Variants in STRIT1 observed in about 807,000 individuals in gnomAD.
The protein encoded by STRIT1 is sarcoplasmic/endoplasmic reticulum calcium ATPase regulator DWORF.
rs559216769 is a variant in STRIT1 at position 155,291,254 on chromosome 3, G to A, written c.14-216C>T. 1.5e-5 allele frequency: 5 copies of A among 342,640 alleles called. No individual in the cohort carries two copies. In the East Asian group the frequency reaches 1.7e-4, roughly 12 times the overall value. The allele number at this position is 342,640 out of a possible 1,614,324, so 21.2% of individuals were successfully genotyped here. On this transcript the variant is annotated intron_variant, in intron 1 of 2. Transcript: ENST00000489090. ...CAAACCATGGGTCTTTTACTGTTAT[G>A]TGACCTTTGGCAATTCTGGGCTTGA...
rs1715612757 is a variant in STRIT1, at chr3:155,290,613, G to A, written c.*238C>T. On this transcript the variant is annotated 3_prime_UTR_variant, in exon 3 of 3. Transcript: ENST00000489090. ...TTAAATTTATCAAACTTTTTTTAAT[G>A]ACATGCATTTTTCATCACAGCTAAA... is the stretch of plus-strand genomic sequence containing the variant. 5.9e-6 allele frequency: 1 copy of A among 169,900 alleles called. No homozygotes were observed. The highest frequency in any genetic ancestry group is 2.4e-5 in the African/African-American group (1 of 42,202). 10.5% of individuals were successfully genotyped at this position (169,900 alleles called of 1,614,324 possible). A position where few individuals can be genotyped will look rare whatever the true frequency, so the allele number is the denominator to read the frequency against.
intron 1 of STRIT1, among the ~76,000 whole-genome samples, chr3:155,292,336 C>G (rs1715656392): frequency 6.6e-6 from 1 of 152,042 alleles, no homozygotes; most frequent in Non-Finnish European, 1.5e-5. Flanking sequence ...ATAAAGCAAA[C>G]AACATGAGTT....
At chr3:155,292,678 A>G (rs1715664902) in intron 1 of STRIT1, among the ~76,000 whole-genome samples, 1 of 152,196 alleles carries the variant, frequency 6.6e-6, no homozygotes, top group Non-Finnish European at 1.5e-5. Flanking sequence ...AACTTTACTA[A>G]TACCTGTGGA....
At chr3:155,291,743 C>T (rs1226382193) in intron 1 of STRIT1, among the ~76,000 whole-genome samples, 1 of 152,136 alleles carries the variant, frequency 6.6e-6, no homozygotes, top group Non-Finnish European at 1.5e-5. Context: ...ATGATTCCTT[C>T]TGTGCCTCCT....
chr3:155,293,335 T>C (rs1384367751), intron 1 of STRIT1, among the ~76,000 whole-genome samples: 2 of 152,076 alleles, frequency 1.3e-5, no homozygotes, highest in Non-Finnish European at 2.9e-5. Flanking sequence ...AGAATTGAAA[T>C]CAGGAGAACT....
At chr3:155,293,493 A>C in intron 1 of STRIT1, 127 bp downstream of exon 1, 2 of 396,908 alleles carry the variant, frequency 5.0e-6, no homozygotes, top group Non-Finnish European at 8.9e-6. Flanking sequence ...ATATATGGTT[A>C]ATGGTCATTT....
rs1351894035 is a variant in STRIT1 at position 155,291,019 on chromosome 3, G to T, written c.33C>A (p.His11Gln). Residue 11 changes from histidine (H) to glutamine (Q), a missense_variant, in exon 2 of 3, where the codon CAC (histidine) becomes CAA (glutamine). By Grantham distance (24) the His-to-Gln change is conservative. Transcript: ENST00000489090. MAEKAGSTFS[H>Q]LLVPILLLIG... ...TCAGGAGAAGAATAGGAACCAGAAG[G>T]TGTGAAAATGTAGACCCCGCTTTAA... 1 of 398,480 alleles carries T rather than the reference G, an allele frequency of 2.5e-6. No individual in the cohort carries two copies. Among genetic ancestry groups the T allele is most frequent in the Non-Finnish European group, 4.4e-6 (1 of 225,884 alleles). 24.7% of individuals were successfully genotyped at this position (398,480 alleles called of 1,614,324 possible). A position where few individuals can be genotyped will look rare whatever the true frequency, so the allele number is the denominator to read the frequency against.
chr3:155,291,210 A>AAT (rs1280557672), intron 1 of STRIT1, 172 bp from the exon 2 acceptor site: 3 of 377,216 alleles, frequency 8.0e-6, no homozygotes, highest in African/African-American at 6.2e-5. Context: ...GACTGTCATA[A>AAT]ACCCTGGGTA....
chr3:155,292,909 C>T (rs1431472592), intron 1 of STRIT1, among the ~76,000 whole-genome samples: 1 of 152,126 alleles, frequency 6.6e-6, no homozygotes, highest in African/African-American at 2.4e-5. Context: ...CCTGGTGCCA[C>T]CACTCTTTAG....
chr3:155,293,599 A>C, intron 1 of STRIT1, 21 bp downstream of exon 1: 1 of 397,764 alleles, frequency 2.5e-6, no homozygotes, highest in Non-Finnish European at 4.4e-6. Flanking sequence ...TGCCAAGAGA[A>C]TCCTATGCCT....
rs941293706 is a variant in STRIT1 at position 155,290,921 on chromosome 3, C to G, written c.*4+19G>C. 5.0e-6 allele frequency: 2 copies of G among 398,272 alleles called. No individual in the cohort carries two copies. Among genetic ancestry groups the G allele is most frequent in the African/African-American group, 4.1e-5 (2 of 48,666 alleles). 24.7% of individuals were successfully genotyped at this position (398,272 alleles called of 1,614,324 possible). A position where few individuals can be genotyped will look rare whatever the true frequency, so the allele number is the denominator to read the frequency against. On this transcript the variant is annotated intron_variant, in intron 2 of 2. Transcript: ENST00000489090. ...GTAATTTAGACTATAAATAAACATT[C>G]AATTATTAAAACCCTTACCTTTCTA...
In STRIT1 at chr3:155,290,549, T is replaced by A. The variant is rs1715610937; in HGVS notation, c.*302A>T. The A allele has an allele frequency of 6.6e-6, 1 of 152,094 alleles. No homozygotes were observed. Among genetic ancestry groups the A allele is most frequent in the African/African-American group, 2.4e-5 (1 of 41,370 alleles). The allele number at this position is 152,094 out of a possible 1,614,324, so 9.4% of individuals were successfully genotyped here. ...GCCTCAGCCCACTTTCTCTATAGTT[T>A]TTTCCAGAGGGAAGGGGGGATAATT... On this transcript the variant is annotated 3_prime_UTR_variant, in exon 3 of 3. Transcript: ENST00000489090.
intron 1 of STRIT1, 148 bp downstream of exon 1, chr3:155,293,472 G>A (rs1261346275): frequency 7.6e-6 from 3 of 395,550 alleles, no homozygotes; most frequent in Non-Finnish European, 1.3e-5. Flanking sequence ...CATTTTTGCA[G>A]CCACACTAAC....
chr3:155,292,845 CT>C (rs1391487298), intron 1 of STRIT1, among the ~76,000 whole-genome samples: 1 of 152,128 alleles, frequency 6.6e-6, no homozygotes, highest in Non-Finnish European at 1.5e-5. Flanking sequence ...GTAGTTACAG[CT>C]GGAAGTGTTC....
At chr3:155,291,101 A>G (rs1715624373) in intron 1 of STRIT1, 63 bp from the exon 2 acceptor site, 1 of 397,644 alleles carries the variant, frequency 2.5e-6, no homozygotes, top group South Asian at 1.3e-4. Context: ...TTTCTGTGTC[A>G]AGAGAATAAA....
At position 155,290,685 on chromosome 3, in the gene STRIT1, T is replaced by C. The variant is rs998353972; in HGVS notation, c.*166A>G. 26 of 285,680 alleles carry C rather than the reference T, an allele frequency of 9.1e-5. No homozygotes were observed. The highest frequency in any genetic ancestry group is 9.7e-4 in the Middle Eastern group (1 of 1,026). 17.7% of individuals were successfully genotyped at this position (285,680 alleles called of 1,614,324 possible). The stretch of plus-strand genomic sequence containing the variant: ...AGAGAAATTCACTCATAATTTCTTA[T>C]TGTCCTGAAGAAATTCTTATGCATA... On this transcript the variant is annotated 3_prime_UTR_variant, in exon 3 of 3. Coordinates refer to ENST00000489090, the MANE Select transcript of STRIT1 (RefSeq NM_001352129.2).
chr3:155,292,245 A>G (rs1183453452), intron 1 of STRIT1, among the ~76,000 whole-genome samples: 11 of 152,136 alleles, frequency 7.2e-5, no homozygotes, highest in Non-Finnish European at 1.0e-4. Flanking sequence ...TTGTTTCTCC[A>G]TCTCACTGTG....
rs1715604126 is a variant in STRIT1, at chr3:155,290,385, T to A, written c.*466A>T. 7.1e-6 allele frequency: 1 copy of A among 141,326 alleles called. No homozygotes were observed. The highest frequency in any genetic ancestry group is 2.1e-4 in the East Asian group (1 of 4,832). 8.8% of individuals were successfully genotyped at this position (141,326 alleles called of 1,614,324 possible). On this transcript the variant is annotated 3_prime_UTR_variant, in exon 3 of 3. Transcript: ENST00000489090. ...ATTGTCTGTTTTTATCTCTAGCCCA[T>A]TTTCTTTCTTTTTTTTTTTTTTTTT...
At position 155,292,967 on chromosome 3, in the gene STRIT1, A is replaced by G. The variant is rs140625563; in HGVS notation, c.13+653T>C. On this transcript the variant is annotated intron_variant, in intron 1 of 2. Transcript: ENST00000489090. Reference sequence around the variant, plus strand: ...CTGCTGTGTCTCCATTTTCTTATCTATAAAATGGGGATGATGATGATATGC... The same window carrying G: ...CTGCTGTGTCTCCATTTTCTTATCTGTAAAATGGGGATGATGATGATATGC... Among the ~76,000 whole-genome samples the G allele has an allele frequency of 5.3e-3, 801 of 152,270 alleles. 6 individuals are homozygous for G. Among genetic ancestry groups the G allele is most frequent in the African/African-American group, 0.018 (760 of 41,552 alleles).
Sources: allele counts gnomAD v4.1 joint callset (sites outside exome capture counted in the v4.1 genomes callset), GRCh38; gene constraint gnomAD v4.1.1; transcripts MANE v1.5; gene names NCBI Gene and HGNC (gene_info 2026-07-23, HGNC 2026-07-21).